PDRG1: variants seen among roughly 807,000 people sequenced by gnomAD.
PDRG1 encodes p53 and DNA damage-regulated protein 1.
A neutral mutation model predicts 18.4 loss-of-function variants in PDRG1; 14 were observed. The ratio of observed to expected loss-of-function variants is 0.76; its 90% CI spans 0.50 to 1.19. PDRG1 has a LOEUF of 1.19. Among genes scored for constraint, PDRG1 ranks in the 50% most tolerant of loss-of-function variants. PDRG1 has a pLI of 0.00. For missense variants in PDRG1, 177 were observed against 160.1 expected (o/e 1.11, Z -0.57); for synonymous variants, 65 against 60.9 (o/e 1.07, Z -0.31).
At position 31,945,975 on chromosome 20, in the gene PDRG1, T is replaced by C; in HGVS notation, c.320-86A>G. On this transcript the variant is annotated intron_variant, in intron 4 of 4. Transcript: ENST00000202017. ...AGGAAAGGGGCTGACGCTGCACTAA[T>C]GCTGCCAAACTCAGCCTGGAGGTCT... The C allele has an allele frequency of 3.5e-6, 4 of 1,128,024 alleles. No individual in the cohort carries two copies. In the East Asian group the frequency reaches 7.2e-5, roughly 20 times the overall value. The allele number at this position is 1,128,024 out of a possible 1,614,324, so 69.9% of individuals were successfully genotyped here. A position where few individuals can be genotyped will look rare whatever the true frequency, so the allele number is the denominator to read the frequency against.
chr20:31,950,877 C>T (rs2064347557), intron 1 of PDRG1, among the ~76,000 whole-genome samples: 1 of 152,160 alleles, frequency 6.6e-6, no homozygotes, highest in Non-Finnish European at 1.5e-5. Flanking sequence ...CAGTATACTG[C>T]ACGAGTGCTG....
At position 31,944,783 on chromosome 20, in the gene PDRG1, A is replaced by T. The variant is rs2064293849; in HGVS notation, c.*1024T>A. 6.6e-6 allele frequency: 1 copy of T among 152,246 alleles called. No individual in the cohort carries two copies. The highest frequency in any genetic ancestry group is 1.5e-5 in the Non-Finnish European group (1 of 68,052). The allele number at this position is 152,246 out of a possible 1,614,324, so 9.4% of individuals were successfully genotyped here. A position where few individuals can be genotyped will look rare whatever the true frequency, so the allele number is the denominator to read the frequency against. On this transcript the variant is annotated 3_prime_UTR_variant, in exon 5 of 5. Transcript: ENST00000202017. ...TTCTATGTAACTATGAGCCAGAGCC[A>T]AGGAGCGGGGGGACCAGGAGAGGTG...
intron 2 of PDRG1, among the ~76,000 whole-genome samples, chr20:31,950,092 C>T (rs2064342826): frequency 6.6e-6 from 1 of 152,244 alleles, no homozygotes; most frequent in African/African-American, 2.4e-5. Context: ...AAGCCAGGAG[C>T]TAACGACCTG....
intron 2 of PDRG1, among the ~76,000 whole-genome samples, chr20:31,949,662 T>C (rs1018344028): frequency 2.6e-5 from 4 of 151,966 alleles, no homozygotes; most frequent in South Asian, 2.1e-4. Flanking sequence ...AGAGATGATA[T>C]TGGCACACTC....
chr20:31,948,370 A>G (rs1218589815), intron 3 of PDRG1, among the ~76,000 whole-genome samples: 1 of 152,222 alleles, frequency 6.6e-6, no homozygotes, highest in South Asian at 2.1e-4. Context: ...GCATGAGGAC[A>G]TGAGGCCTGC....
rs1428085660 is a variant in PDRG1 at position 31,952,002 on chromosome 20, G to T, written c.-41C>A. On this transcript the variant is annotated 5_prime_UTR_variant, in exon 1 of 5. Transcript: ENST00000202017. The stretch of plus-strand genomic sequence containing the variant: ...CGCTTGCGGCTCTCGCGCGACCCCG[G>T]GATCTCCGCTTCGACTCCCGCTGCG... The T allele has an allele frequency of 2.0e-6, 3 of 1,499,636 alleles. No homozygotes were observed. Among genetic ancestry groups the T allele is most frequent in the African/African-American group, 2.9e-5 (2 of 69,168 alleles). 92.9% of individuals were successfully genotyped at this position (1,499,636 alleles called of 1,614,324 possible). A position where few individuals can be genotyped will look rare whatever the true frequency, so the allele number is the denominator to read the frequency against.
At chr20:31,947,054 C>T (rs1484091335) in intron 3 of PDRG1, among the ~76,000 whole-genome samples, 3 of 152,166 alleles carry the variant, frequency 2.0e-5, no homozygotes, top group Middle Eastern at 3.2e-3. Context: ...ACAATCAACA[C>T]GCAAGCAATG....
At chr20:31,948,210 C>T (rs2064330587) in intron 3 of PDRG1, among the ~76,000 whole-genome samples, 1 of 152,238 alleles carries the variant, frequency 6.6e-6, no homozygotes, top group South Asian at 2.1e-4. Context: ...AAAGCTCACT[C>T]TCCCAGGCTC....
chr20:31,945,673 G>C lies in PDRG1; in HGVS notation c.*134C>G, dbSNP rs1365852986. The C allele has an allele frequency of 3.0e-6, 2 of 658,456 alleles. No individual in the cohort carries two copies. Among genetic ancestry groups the C allele is most frequent in the African/African-American group, 1.8e-5 (1 of 54,356 alleles). The allele number at this position is 658,456 out of a possible 1,614,324, so 40.8% of individuals were successfully genotyped here. On this transcript the variant is annotated 3_prime_UTR_variant, in exon 5 of 5. Coordinates refer to ENST00000202017, the MANE Select transcript of PDRG1 (RefSeq NM_030815.3). ...ACAGAGTAGCCAAGCACTACAAAGA[G>C]GTTTTCATGGCCAGATTCCTGACGG...
rs535781542 is a variant in PDRG1, at chr20:31,947,983, A to G, written c.238+825T>C. Among the ~76,000 whole-genome samples, 13 of 152,348 alleles carry G rather than the reference A, an allele frequency of 8.5e-5. 1 individual carries two copies. In the Middle Eastern group the frequency reaches 0.01, roughly 120 times the overall value. ...TTGCTTGTCCTTTTGGCCATTTTCA[A>G]GGTTATGGAAGAAAAAGTATGTGTA... On this transcript the variant is annotated intron_variant, in intron 3 of 4. Coordinates refer to ENST00000202017, the MANE Select transcript of PDRG1 (RefSeq NM_030815.3).
rs200197287 is a variant in PDRG1 at position 31,945,917 on chromosome 20, G to A, written c.320-28C>T. 14 of 1,588,144 alleles carry A rather than the reference G, an allele frequency of 8.8e-6. No homozygotes were observed. In the South Asian group the frequency reaches 8.9e-5, roughly 10 times the overall value. On this transcript the variant is annotated intron_variant, in intron 4 of 4. Transcript: ENST00000202017. ...AGGAGAGAAGATGATCCATCAGCACGTCGGGCCTCCTGCTGGCTCTGGAGC... is the reference window on the plus strand; with the variant it reads ...AGGAGAGAAGATGATCCATCAGCACATCGGGCCTCCTGCTGGCTCTGGAGC...
chr20:31,947,449 T>A (rs1206171918), intron 3 of PDRG1, among the ~76,000 whole-genome samples: 1 of 152,210 alleles, frequency 6.6e-6, no homozygotes, highest in Admixed American at 6.5e-5. Flanking sequence ...GCCAACAAGA[T>A]CCTGAACCCA....
At position 31,950,371 on chromosome 20, in the gene PDRG1, G is replaced by A. The variant is rs1228778346; in HGVS notation, c.104C>T (p.Thr35Ile). 6.2e-7 allele frequency: 1 copy of A among 1,612,504 alleles called. No individual in the cohort carries two copies. Among genetic ancestry groups the A allele is most frequent in the Admixed American group, 1.7e-5 (1 of 60,028 alleles). Residue 35 changes from threonine (T) to isoleucine (I), a missense_variant, in exon 2 of 5, where the codon ACT (threonine) becomes ATT (isoleucine). Transcript: ENST00000202017. ...GCCCTCTCGATTCTGATTCCTTTTA[G>A]TGTCCAGGTCCACAATCTGAAAACC... ...ADKRQIVDLD[T>I]KRNQNREGLR...
rs530544152 is a variant in PDRG1 at position 31,951,092 on chromosome 20, C to A, written c.88-705G>T. ...TTTAACTGCTCTTATTCTCATCCAG[C>A]ACACCCTGATCCAGTACTTAATTTG... is the stretch of plus-strand genomic sequence containing the variant. On this transcript the variant is annotated intron_variant, in intron 1 of 4. Transcript: ENST00000202017. 1.1e-4 allele frequency among the ~76,000 whole-genome samples: 17 copies of A among 152,318 alleles called. No homozygotes were observed. In the South Asian group the frequency reaches 3.1e-3, roughly 28 times the overall value.
chr20:31,951,524 G>A (rs2064352001), intron 1 of PDRG1, among the ~76,000 whole-genome samples: 2 of 152,048 alleles, frequency 1.3e-5, no homozygotes, highest in African/African-American at 4.8e-5. Flanking sequence ...CGGTCACAAG[G>A]CCCCCTCAGG....
At chr20:31,947,080 A>G (rs189724606) in intron 3 of PDRG1, among the ~76,000 whole-genome samples, 86 of 152,372 alleles carry the variant, frequency 5.6e-4, no homozygotes, top group South Asian at 1.4e-3. Context: ...GCTTAACTTA[A>G]TTAGCCACTG....
At position 31,944,778 on chromosome 20, in the gene PDRG1, G is replaced by T. The variant is rs2064293705; in HGVS notation, c.*1029C>A. ...TGTGTTTCTATGTAACTATGAGCCA[G>T]AGCCAAGGAGCGGGGGGACCAGGAG... On this transcript the variant is annotated 3_prime_UTR_variant, in exon 5 of 5. Transcript: ENST00000202017. The T allele has an allele frequency of 6.6e-6, 1 of 152,198 alleles. No homozygotes were observed. Among genetic ancestry groups the T allele is most frequent in the Non-Finnish European group, 1.5e-5 (1 of 68,052 alleles). The allele number at this position is 152,198 out of a possible 1,614,324, so 9.4% of individuals were successfully genotyped here. A position where few individuals can be genotyped will look rare whatever the true frequency, so the allele number is the denominator to read the frequency against.
At chr20:31,948,957 A>G (rs2064335262) in intron 2 of PDRG1, 75 bp from the exon 3 acceptor site, 2 of 1,378,910 alleles carry the variant, frequency 1.5e-6, no homozygotes, top group East Asian at 2.3e-5. Flanking sequence ...TGTTTTAGAT[A>G]CAGACAACAG....
In PDRG1 at chr20:31,950,352, T is replaced by C; in HGVS notation, c.123A>G (p.Arg41=). 6.2e-7 allele frequency: 1 copy of C among 1,613,320 alleles called. No homozygotes were observed. ...CCTTCTGCAGGGCCCTCAGGCCCTC[T>C]CGATTCTGATTCCTTTTAGTGTCCA... The part of the protein sequence containing the change: ...VDLDTKRNQN[R]EGLRALQKDL... Residue 41 remains arginine, a synonymous_variant, in exon 2 of 5, where the codon CGA becomes CGG. Transcript: ENST00000202017.
Sources: gnomAD v4.1 joint callset for allele counts (sites outside exome capture counted in the v4.1 genomes callset) on GRCh38, gnomAD v4.1.1 for gene constraint, MANE v1.5 for transcripts, NCBI Gene and HGNC (gene_info 2026-07-23, HGNC 2026-07-21) for gene names.